Variants in MRPL14 observed in about 807,000 individuals in gnomAD.
The protein encoded by MRPL14 is large ribosomal subunit protein uL14m.
In MRPL14, 8 loss-of-function variants were observed where a neutral mutation model predicts 10.9. The observed-to-expected ratio is 0.74, with a 90% CI of 0.43 to 1.33. MRPL14 has a LOEUF of 1.33. Ranked by LOEUF, MRPL14 falls within the 40% of genes most tolerant of loss-of-function variation. MRPL14 has a pLI of 0.01. For synonymous variants in MRPL14, 82 were observed against 74.1 expected (o/e 1.11, Z -0.54); for missense variants, 179 against 194.5 (o/e 0.92, Z 0.47).
intron 2 of MRPL14, among the ~76,000 whole-genome samples, chr6:44,115,430 C>T (rs1775749710): frequency 6.6e-6 from 1 of 152,120 alleles, no homozygotes; most frequent in Non-Finnish European, 1.5e-5. Context: ...CCAGCAGTAC[C>T]AGAAGCCAAG....
intron 1 of MRPL14, among the ~76,000 whole-genome samples, chr6:44,124,362 C>T (rs1301726053): frequency 6.6e-6 from 1 of 152,166 alleles, no homozygotes; most frequent in East Asian, 1.9e-4. Flanking sequence ...GCAAAGAGGT[C>T]TGGAAATGGA....
chr6:44,125,504 A>G (rs1055163259), intron 1 of MRPL14, among the ~76,000 whole-genome samples: 3 of 152,032 alleles, frequency 2.0e-5, no homozygotes, highest in African/African-American at 7.2e-5. Flanking sequence ...AAAAATACAA[A>G]AATTAGCCAG....
chr6:44,118,436 G>A (rs1363116702), intron 1 of MRPL14, among the ~76,000 whole-genome samples: 1 of 152,122 alleles, frequency 6.6e-6, no homozygotes, highest in Non-Finnish European at 1.5e-5. Flanking sequence ...CTTGTGTAGA[G>A]TCCCACAATT....
At chr6:44,121,293 C>G (rs1776380809) in intron 1 of MRPL14, among the ~76,000 whole-genome samples, 1 of 138,292 alleles carries the variant, frequency 7.2e-6, no homozygotes, top group South Asian at 2.2e-4. Flanking sequence ...TCCTGGTCAG[C>G]ACTAAGTATT....
At chr6:44,114,346 C>A (rs951972463) in intron 2 of MRPL14, 137 bp from the exon 3 acceptor site, 7 of 1,023,214 alleles carry the variant, frequency 6.8e-6, no homozygotes, top group Admixed American at 2.5e-5. Context: ...GGAGCAGCAA[C>A]AGAAAGTCAG....
chr6:44,121,057 G>T (rs1217775088), intron 1 of MRPL14, among the ~76,000 whole-genome samples: 1 of 152,176 alleles, frequency 6.6e-6, no homozygotes, highest in Non-Finnish European at 1.5e-5. Flanking sequence ...AAGCAACTCT[G>T]ATGGACCCTG....
rs1446147488 is a variant in MRPL14 at position 44,116,574 on chromosome 6, C to T, written c.38G>A (p.Cys13Tyr). ...FFTGLWGPFTCVSRVLSHHCF... is the reference protein window; with the variant it reads ...FFTGLWGPFTYVSRVLSHHCF... ...GTGATGGCTCAGCACTCTGCTTACA[C>T]AGGTGAAGGGGCCCCAGAGCCCAGT... Residue 13 changes from cysteine (C) to tyrosine (Y), a missense_variant, in exon 2 of 3, where the codon TGT (cysteine) becomes TAT (tyrosine). Coordinates refer to ENST00000372014, the MANE Select transcript of MRPL14 (RefSeq NM_032111.4). 3.1e-6 allele frequency: 5 copies of T among 1,614,058 alleles called. No individual in the cohort carries two copies. The highest frequency in any genetic ancestry group is 1.1e-5 in the South Asian group (1 of 91,090).
chr6:44,114,935 TG>T (rs1775699268), intron 2 of MRPL14, among the ~76,000 whole-genome samples: 1 of 152,156 alleles, frequency 6.6e-6, no homozygotes, highest in African/African-American at 2.4e-5. Flanking sequence ...TACATGTTGC[TG>T]GGAACTAGAA....
chr6:44,126,248 A>C (rs1412517890), intron 1 of MRPL14, among the ~76,000 whole-genome samples: 1 of 152,230 alleles, frequency 6.6e-6, no homozygotes, highest in African/African-American at 2.4e-5. Context: ...GTGTGTGTAC[A>C]CCTGAAGTGT....
At chr6:44,122,774 G>A (rs779629845) in intron 1 of MRPL14, among the ~76,000 whole-genome samples, 5 of 152,142 alleles carry the variant, frequency 3.3e-5, no homozygotes, top group Non-Finnish European at 5.9e-5. Flanking sequence ...CTCTGCCAGC[G>A]TGAGGATATA....
chr6:44,124,592 C>G lies in MRPL14; in HGVS notation c.-19+2752G>C, dbSNP rs527632445. 2.6e-5 allele frequency among the ~76,000 whole-genome samples: 4 copies of G among 152,338 alleles called. No homozygotes were observed. In the East Asian group the frequency reaches 5.8e-4, roughly 22 times the overall value. Reference sequence around the variant, plus strand: ...TAGAGTGGACATGGTAAATTACTTCCTCTCTTTTCTAAGACATAAAAGATT... The same window carrying G: ...TAGAGTGGACATGGTAAATTACTTCGTCTCTTTTCTAAGACATAAAAGATT... On this transcript the variant is annotated intron_variant, in intron 1 of 2. Coordinates refer to ENST00000372014, the MANE Select transcript of MRPL14 (RefSeq NM_032111.4).
Position 44,113,793 on chromosome 6 carries a change from C to T in MRPL14, c.*50G>A, listed in dbSNP as rs1775567356. 6.6e-7 allele frequency: 1 copy of T among 1,515,060 alleles called. No homozygotes were observed. The highest frequency in any genetic ancestry group is 2.2e-5 in the Admixed American group (1 of 45,486). The allele number at this position is 1,515,060 out of a possible 1,614,324, so 93.9% of individuals were successfully genotyped here. A position where few individuals can be genotyped will look rare whatever the true frequency, so the allele number is the denominator to read the frequency against. ...AAGCTCCCTTAGCAAAAGGGTGGTT[C>T]TCAGAACTGCTCCATTCACGAGTCC... On this transcript the variant is annotated 3_prime_UTR_variant, in exon 3 of 3. Coordinates refer to ENST00000372014, the MANE Select transcript of MRPL14 (RefSeq NM_032111.4).
intron 2 of MRPL14, 41 bp from the exon 3 acceptor site, chr6:44,114,250 T>C (rs4711767): frequency 0.54 from 850,067 of 1,573,134 alleles, 236,946 homozygotes; most frequent in East Asian, 0.84. Context: ...CTGTATCTCT[T>C]ATGGTCAGGG....
chr6:44,113,948 G>A lies in MRPL14; in HGVS notation c.333C>T (p.Asn111=), dbSNP rs767786951. Residue 111 remains asparagine, a synonymous_variant, in exon 3 of 3, where the codon AAC becomes AAT. Coordinates refer to ENST00000372014, the MANE Select transcript of MRPL14 (RefSeq NM_032111.4). The part of the protein sequence containing the change: ...DSNNVVLIED[N]GNPVGTRIKT... Reference sequence around the variant, plus strand: ...TAATTCGTGTCCCCACAGGGTTCCCGTTGTCCTCAATGAGGACCACGTTGT... The same window carrying A: ...TAATTCGTGTCCCCACAGGGTTCCCATTGTCCTCAATGAGGACCACGTTGT... 12 of 1,613,698 alleles carry A rather than the reference G, an allele frequency of 7.4e-6. No homozygotes were observed. The highest frequency in any genetic ancestry group is 2.2e-5 in the South Asian group (2 of 91,082).
intron 1 of MRPL14, among the ~76,000 whole-genome samples, chr6:44,118,626 A>G (rs1776098187): frequency 6.6e-6 from 1 of 152,222 alleles, no homozygotes. Context: ...TCAAATGGTT[A>G]CAATGTGTCA....
chr6:44,122,484 T>C (rs977629588), intron 1 of MRPL14, among the ~76,000 whole-genome samples: 1 of 152,210 alleles, frequency 6.6e-6, no homozygotes, highest in Non-Finnish European at 1.5e-5. Context: ...ACTTTAAGTT[T>C]TGAGGATCAG....
chr6:44,122,943 T>C (rs75775699), intron 1 of MRPL14, among the ~76,000 whole-genome samples: 1 of 152,376 alleles, frequency 6.6e-6, no homozygotes, highest in African/African-American at 2.4e-5. Flanking sequence ...AGTACTTTCA[T>C]TTGTTGCTTA....
rs1021706744 is a variant in MRPL14 at position 44,127,350 on chromosome 6, C to G, written c.-25G>C. The G allele has an allele frequency of 6.6e-6, 1 of 152,458 alleles. No individual in the cohort carries two copies. The highest frequency in any genetic ancestry group is 1.5e-5 in the Non-Finnish European group (1 of 68,318). The allele number at this position is 152,458 out of a possible 1,614,324, so 9.4% of individuals were successfully genotyped here. On this transcript the variant is annotated 5_prime_UTR_variant, in exon 1 of 3. Coordinates refer to ENST00000372014, the MANE Select transcript of MRPL14 (RefSeq NM_032111.4). ...CCCCTGCCCCCCACCATACCGCTCT[C>G]GCCGCCCGGGAAAATCCCGCCGCGG...
rs150988541 is a variant in MRPL14 at position 44,125,394 on chromosome 6, G to A, written c.-19+1950C>T. Among the ~76,000 whole-genome samples the A allele has an allele frequency of 7.5e-3, 1,147 of 152,258 alleles. 13 individuals are homozygous for A. The highest frequency in any genetic ancestry group is 0.026 in the African/African-American group (1,100 of 41,536). On this transcript the variant is annotated intron_variant, in intron 1 of 2. Transcript: ENST00000372014. ...CTTCTGGCTGGACAAGGTGGCTCACGCCTGTAATCCCAGCACTTTGAGAGG... is the reference window on the plus strand; with the variant it reads ...CTTCTGGCTGGACAAGGTGGCTCACACCTGTAATCCCAGCACTTTGAGAGG...
Sources: allele counts gnomAD v4.1 joint callset (sites outside exome capture counted in the v4.1 genomes callset), GRCh38; gene constraint gnomAD v4.1.1; transcripts MANE v1.5; gene names NCBI Gene and HGNC (gene_info 2026-07-23, HGNC 2026-07-21).